Variants in SIM1 observed in about 807,000 individuals in gnomAD.
SIM1 encodes SIM bHLH transcription factor 1, also known as single-minded homolog 1.
A neutral mutation model predicts 78.2 loss-of-function variants in SIM1; 18 were observed. The ratio of observed to expected loss-of-function variants is 0.23; its 90% CI spans 0.16 to 0.34. The LOEUF is 0.34. SIM1 is among the 10% of genes least tolerant of loss of function. The pLI is 1.00. For missense variants in SIM1, 939 were observed against 975.1 expected (o/e 0.96, Z 0.49); for synonymous variants, 417 against 385.2 (o/e 1.08, Z -0.97).
intron 2 of SIM1, among the ~76,000 whole-genome samples, chr6:100,461,450 C>T (rs1562066104): frequency 1.3e-5 from 2 of 152,256 alleles, no homozygotes; most frequent in Admixed American, 1.3e-4. Flanking sequence ...GAACGCCGCC[C>T]TGCTATTCTT....
chr6:100,412,709 AAG>A (rs1256099802), intron 10 of SIM1, among the ~76,000 whole-genome samples: 2 of 133,778 alleles, frequency 1.5e-5, no homozygotes, highest in African/African-American at 6.2e-5. Flanking sequence ...GAAAGAAAGA[AAG>A]AAAGAAAGAA....
Position 100,389,593 on chromosome 6 carries a change from T to C in SIM1, c.*768A>G, listed in dbSNP as rs898383392. Reference sequence around the variant, plus strand: ...TCCATATTCATAGAACTACTTCCAATTGAGCACTCCAGGTTTTTGATGTGT... The same window carrying C: ...TCCATATTCATAGAACTACTTCCAACTGAGCACTCCAGGTTTTTGATGTGT... On this transcript the variant is annotated 3_prime_UTR_variant, in exon 12 of 12. Coordinates refer to ENST00000369208, the MANE Select transcript of SIM1 (RefSeq NM_005068.3). 22 of 398,834 alleles carry C rather than the reference T, an allele frequency of 5.5e-5. No homozygotes were observed. Among genetic ancestry groups the C allele is most frequent in the African/African-American group, 2.9e-4 (14 of 48,638 alleles). 24.7% of individuals were successfully genotyped at this position (398,834 alleles called of 1,614,324 possible). A position where few individuals can be genotyped will look rare whatever the true frequency, so the allele number is the denominator to read the frequency against.
intron 10 of SIM1, among the ~76,000 whole-genome samples, chr6:100,398,924 C>T (rs532268418): frequency 9.7e-5 from 14 of 143,768 alleles, no homozygotes; most frequent in Non-Finnish European, 1.8e-4. Flanking sequence ...TCCTCACCAA[C>T]ACTTGTTATT....
chr6:100,449,822 G>C, intron 4 of SIM1, 123 bp from the exon 5 acceptor site: 3 of 726,888 alleles, frequency 4.1e-6, no homozygotes, highest in Non-Finnish European at 7.2e-6. Context: ...AATTGGCCCT[G>C]AGTTCCAATG....
chr6:100,450,758 A>T (rs1772496066), intron 3 of SIM1, among the ~76,000 whole-genome samples: 1 of 146,848 alleles, frequency 6.8e-6, no homozygotes, highest in South Asian at 2.2e-4. Flanking sequence ...ATCACAGCCT[A>T]TGTGTTCTAT....
At position 100,393,791 on chromosome 6, in the gene SIM1, G is replaced by T. The variant is rs553287045; in HGVS notation, c.1266C>A (p.Pro422=). The T allele has an allele frequency of 1.5e-5, 24 of 1,614,042 alleles. No homozygotes were observed. In the East Asian group the frequency reaches 2.0e-4, roughly 13 times the overall value. ...TDTASPQLLD[P]ADRPGSQHDA... is the part of the protein sequence containing the mutation. Reference sequence around the variant, plus strand: ...CGTGCTGGGAGCCAGGCCTATCGGCGGGGTCCAGAAGCTGCGGAGAGGCCG... The same window carrying T: ...CGTGCTGGGAGCCAGGCCTATCGGCTGGGTCCAGAAGCTGCGGAGAGGCCG... The change falls in exon 11 of 12, where the codon CCC becomes CCA. Residue 422 remains proline (P), a synonymous_variant. Coordinates refer to ENST00000369208, the MANE Select transcript of SIM1 (RefSeq NM_005068.3).
chr6:100,397,224 C>A (rs943093873), intron 10 of SIM1, among the ~76,000 whole-genome samples: 3 of 152,114 alleles, frequency 2.0e-5, no homozygotes, highest in Admixed American at 6.5e-5. Context: ...TTATTATATT[C>A]TAGAGGCTTC....
intron 2 of SIM1, among the ~76,000 whole-genome samples, chr6:100,457,780 G>A (rs560344474): frequency 6.6e-6 from 1 of 152,200 alleles, no homozygotes; most frequent in South Asian, 2.1e-4. Flanking sequence ...CTCCGGCTAA[G>A]GAGCCTGTGT....
At position 100,390,802 on chromosome 6, in the gene SIM1, A is replaced by G. The variant is rs1474581190; in HGVS notation, c.1860T>C (p.His620=). The change falls in exon 12 of 12, where the codon CAT becomes CAC. Residue 620 remains histidine (H), a synonymous_variant. Coordinates refer to ENST00000369208, the MANE Select transcript of SIM1 (RefSeq NM_005068.3). ...GTGAAGTGTTGGCAAGAGCAGAGCC[A>G]TGGCAGACTTCACCTGTTGGTGGGG... ...QQPPPTGEVC[H]GSALANTSPC... The G allele has an allele frequency of 6.2e-7, 1 of 1,614,052 alleles. No individual in the cohort carries two copies. Among genetic ancestry groups the G allele is most frequent in the African/African-American group, 1.3e-5 (1 of 74,930 alleles).
At chr6:100,444,810 A>C (rs546221556) in intron 9 of SIM1, among the ~76,000 whole-genome samples, 1 of 152,274 alleles carries the variant, frequency 6.6e-6, no homozygotes, top group South Asian at 2.1e-4. Context: ...CGAGCTTATG[A>C]ATGTTGCCTC....
At position 100,393,757 on chromosome 6, in the gene SIM1, A is replaced by G. The variant is rs1268271111; in HGVS notation, c.1300T>C (p.Cys434Arg). ...DRPGSQHDAS[C>R]AYRQFSDRSS... ...CGGTCCGAAAACTGTCTGTAGGCGCACGATGCGTCGTGCTGGGAGCCAGGC... is the reference window on the plus strand; with the variant it reads ...CGGTCCGAAAACTGTCTGTAGGCGCGCGATGCGTCGTGCTGGGAGCCAGGC... The change falls in exon 11 of 12, where the codon TGC becomes CGC. Residue 434 changes from cysteine to arginine, a missense_variant. Around this residue, in one of 5 missense-constraint regions of SIM1, gnomAD observed 556 missense variants for 521.9 expected, o/e 1.07. Coordinates refer to ENST00000369208, the MANE Select transcript of SIM1 (RefSeq NM_005068.3). 1.2e-6 allele frequency: 2 copies of G among 1,614,126 alleles called. No individual in the cohort carries two copies. Among genetic ancestry groups the G allele is most frequent in the Non-Finnish European group, 1.7e-6 (2 of 1,180,034 alleles).
chr6:100,461,183 C>T (rs868276910), intron 2 of SIM1, among the ~76,000 whole-genome samples: 10 of 152,172 alleles, frequency 6.6e-5, no homozygotes, highest in Non-Finnish European at 1.0e-4. Context: ...TTCATTGGCG[C>T]TCTCTTTAAA....
At chr6:100,431,016 T>C (rs1771886824) in intron 9 of SIM1, among the ~76,000 whole-genome samples, 1 of 152,132 alleles carries the variant, frequency 6.6e-6, no homozygotes, top group South Asian at 2.1e-4. Context: ...GGAGACCCCA[T>C]AAGGCCAAAC....
chr6:100,451,587 G>A (rs1235234079), intron 3 of SIM1, among the ~76,000 whole-genome samples: 1 of 151,770 alleles, frequency 6.6e-6, no homozygotes, highest in African/African-American at 2.4e-5. Flanking sequence ...GAAGGGGAGG[G>A]GAAGAGGAGA....
chr6:100,459,958 A>G (rs193041871), intron 2 of SIM1, among the ~76,000 whole-genome samples: 59 of 152,344 alleles, frequency 3.9e-4, no homozygotes, highest in Admixed American at 2.2e-3. Context: ...CCAAAGATTT[A>G]TACATTTCCA....
intron 9 of SIM1, among the ~76,000 whole-genome samples, chr6:100,439,989 G>A (rs113309081): frequency 0.033 from 4,973 of 152,208 alleles, 84 homozygotes; most frequent in East Asian, 0.043. Context: ...GGATAGGGGA[G>A]GGAAGAGAAA....
At chr6:100,398,435 C>T (rs1353605391) in intron 10 of SIM1, among the ~76,000 whole-genome samples, 13 of 152,072 alleles carry the variant, frequency 8.5e-5, no homozygotes, top group Non-Finnish European at 1.3e-4. Flanking sequence ...CTCCCCATTC[C>T]GTCTTCCCTT....
Position 100,390,072 on chromosome 6 carries a change from A to T in SIM1, c.*289T>A. On this transcript the variant is annotated 3_prime_UTR_variant, in exon 12 of 12. Transcript: ENST00000369208. ...TCATTCATCAGTCCTCTCATGTAGTATATATGCACACTTGATCTACATGAA... is the reference window on the plus strand; with the variant it reads ...TCATTCATCAGTCCTCTCATGTAGTTTATATGCACACTTGATCTACATGAA... The T allele has an allele frequency of 2.1e-6, 1 of 487,688 alleles. No individual in the cohort carries two copies. The highest frequency in any genetic ancestry group is 3.6e-6 in the Non-Finnish European group (1 of 276,936). The allele number at this position is 487,688 out of a possible 1,614,324, so 30.2% of individuals were successfully genotyped here. A position where few individuals can be genotyped will look rare whatever the true frequency, so the allele number is the denominator to read the frequency against.
At chr6:100,438,832 C>A (rs757377591) in intron 9 of SIM1, among the ~76,000 whole-genome samples, 1 of 152,108 alleles carries the variant, frequency 6.6e-6, no homozygotes, top group African/African-American at 2.4e-5. Context: ...GAACTGGAGG[C>A]CACTGTTCTA....
Sources: allele counts gnomAD v4.1 joint callset (sites outside exome capture counted in the v4.1 genomes callset), GRCh38; gene constraint gnomAD v4.1.1; regional missense constraint gnomAD v4.1.1; transcripts MANE v1.5; gene names NCBI Gene and HGNC (gene_info 2026-07-23, HGNC 2026-07-21).